The following TBC1D19 variants were observed in gnomAD, a reference collection of about 807,000 sequenced individuals.
The protein encoded by TBC1D19 is TBC1 domain family, member 19.
Under a neutral mutation model 89.0 loss-of-function variants are expected in TBC1D19, and 60 were observed. The ratio of observed to expected loss-of-function variants is 0.67; its 90% CI spans 0.55 to 0.84. The LOEUF (loss-of-function observed/expected upper bound fraction) is 0.84, where lower values mean the gene tolerates loss of function less well. Among genes scored for constraint, TBC1D19 ranks in the 40% least tolerant of loss-of-function variants. TBC1D19 has a pLI of 0.00. For missense variants in TBC1D19, 500 were observed against 610.8 expected (o/e 0.82, Z 1.91); for synonymous variants, 189 against 199.7 (o/e 0.95, Z 0.45).
chr4:26,806,158 T>G, the TBC1D19 span, among the ~76,000 whole-genome samples: 9 of 152,112 alleles, frequency 5.9e-5, no homozygotes, highest in East Asian at 1.6e-3. Flanking sequence ...GGCTTTTGCC[T>G]CTGTCTGGAA....
At chr4:26,580,072 T>C (rs1182571757), upstream of TBC1D19, among the ~76,000 whole-genome samples, 1 of 152,182 alleles carries the variant, frequency 6.6e-6, no homozygotes, top group Non-Finnish European at 1.5e-5. Flanking sequence ...TTTTCCCTTT[T>C]GCATAGAGTC....
intron 1 of TBC1D19, among the ~76,000 whole-genome samples, chr4:26,605,322 T>C (rs1254804149): frequency 3.3e-5 from 5 of 149,890 alleles, no homozygotes; most frequent in East Asian, 2.0e-4. Context: ...TTTGTCCTTG[T>C]GATAGTTTAC....
At position 26,673,903 on chromosome 4, in the gene TBC1D19, AG is replaced by A. The variant is rs1384154626; in HGVS notation, c.816+18del. The stretch of plus-strand genomic sequence containing the variant: ...GCCAACCTGAGGTAAGAAGAAAAAA[AG>A]GGTGGGTCAGATTTTAGCTTTGGGG... On this transcript the variant is annotated intron_variant, in intron 11 of 20. Transcript: ENST00000264866. The A allele has an allele frequency of 8.8e-6, 13 of 1,479,438 alleles. No homozygotes were observed. Among genetic ancestry groups the A allele is most frequent in the East Asian group, 6.9e-5 (3 of 43,402 alleles). The allele number at this position is 1,479,438 out of a possible 1,614,324, so 91.6% of individuals were successfully genotyped here.
chr4:26,805,981 G>A, the TBC1D19 span, among the ~76,000 whole-genome samples: 2 of 151,738 alleles, frequency 1.3e-5, no homozygotes, highest in African/African-American at 2.4e-5. Flanking sequence ...AAAAAAAAAG[G>A]GAAAGAAAAA....
upstream of TBC1D19, among the ~76,000 whole-genome samples, chr4:26,582,879 C>T (rs767339127): frequency 1.1e-4 from 16 of 152,272 alleles, no homozygotes; most frequent in Non-Finnish European, 2.1e-4. Flanking sequence ...GGCCCGGGTC[C>T]AGTCCCTTTG....
intron 15 of TBC1D19, among the ~76,000 whole-genome samples, chr4:26,726,395 A>G (rs868542849): frequency 1.3e-5 from 2 of 152,346 alleles, no homozygotes; most frequent in Middle Eastern, 6.8e-3. Flanking sequence ...TTAATTAAAT[A>G]AATTTAAACT....
intron 19 of TBC1D19, among the ~76,000 whole-genome samples, chr4:26,751,888 A>G (rs1177810713): frequency 6.6e-6 from 1 of 152,252 alleles, no homozygotes; most frequent in Non-Finnish European, 1.5e-5. Context: ...GATAGACAGC[A>G]GAGCCAATGA....
chr4:26,693,085 C>T (rs1458361527), intron 13 of TBC1D19, among the ~76,000 whole-genome samples: 1 of 150,220 alleles, frequency 6.7e-6, no homozygotes, highest in Non-Finnish European at 1.5e-5. Context: ...AAGATTGCAC[C>T]ACTGCACTCC....
chr4:26,734,744 G>A (rs1717858596), intron 15 of TBC1D19, among the ~76,000 whole-genome samples: 1 of 152,120 alleles, frequency 6.6e-6, no homozygotes, highest in Non-Finnish European at 1.5e-5. Flanking sequence ...TAGCATATTC[G>A]ATTCTAATAT....
chr4:26,690,561 C>A (rs1714183336), intron 13 of TBC1D19, among the ~76,000 whole-genome samples: 1 of 152,132 alleles, frequency 6.6e-6, no homozygotes, highest in East Asian at 1.9e-4. Context: ...CGTTCCATTT[C>A]AAAAATCCTT....
At chr4:26,802,773 T>C in the TBC1D19 span, among the ~76,000 whole-genome samples, 1 of 152,254 alleles carries the variant, frequency 6.6e-6, no homozygotes, top group Non-Finnish European at 1.5e-5. Context: ...ATTAGAATGA[T>C]AATGTATTAG....
intron 4 of TBC1D19, among the ~76,000 whole-genome samples, chr4:26,632,491 A>C: frequency 6.6e-6 from 1 of 152,014 alleles, no homozygotes; most frequent in Non-Finnish European, 1.5e-5. Flanking sequence ...AAATATCTTC[A>C]TCTAAATGAT....
the TBC1D19 span, among the ~76,000 whole-genome samples, chr4:26,814,512 C>G: frequency 6.6e-6 from 1 of 152,146 alleles, no homozygotes; most frequent in African/African-American, 2.4e-5. Flanking sequence ...AAGGAAGGTC[C>G]TCTCTTCTTT....
intron 13 of TBC1D19, among the ~76,000 whole-genome samples, chr4:26,696,132 C>T (rs1279405476): frequency 1.3e-5 from 2 of 152,126 alleles, no homozygotes; most frequent in Non-Finnish European, 2.9e-5. Context: ...TGCAGAGGCA[C>T]ACATAGGCTC....
downstream of TBC1D19, among the ~76,000 whole-genome samples, chr4:26,756,749 T>C (rs1214411598): frequency 6.6e-6 from 1 of 152,242 alleles, no homozygotes; most frequent in African/African-American, 2.4e-5. Context: ...GAAGATGATA[T>C]ATGAAGAATG....
the TBC1D19 span, chr4:26,857,995 A>C: frequency 5.3e-5 from 8 of 152,258 alleles, no homozygotes; most frequent in Non-Finnish European, 1.0e-4. Context: ...GCACGCCCAG[A>C]GCCAGTTCTC....
the TBC1D19 span, among the ~76,000 whole-genome samples, chr4:26,817,481 T>G: frequency 6.6e-6 from 1 of 152,120 alleles, no homozygotes; most frequent in African/African-American, 2.4e-5. Flanking sequence ...GCTGTTCAAC[T>G]TTTTTTACAA....
chr4:26,584,101 G>A lies in TBC1D19; in HGVS notation c.-93G>A. 1.6e-6 allele frequency: 2 copies of A among 1,270,352 alleles called. No homozygotes were observed. The highest frequency in any genetic ancestry group is 2.6e-5 in the South Asian group (2 of 77,324). The allele number at this position is 1,270,352 out of a possible 1,614,324, so 78.7% of individuals were successfully genotyped here. ...GGAGTCCCAGTGTAATAAGGTCCCG[G>A]AGAAGTGTCACTGGCCCTGAGTGGG... On this transcript the variant is annotated 5_prime_UTR_variant, in exon 1 of 21. Coordinates refer to ENST00000264866, the MANE Select transcript of TBC1D19 (RefSeq NM_018317.4).
chr4:26,668,986 T>TACACACACACACAC (rs3839171), intron 9 of TBC1D19, among the ~76,000 whole-genome samples: 8 of 147,016 alleles, frequency 5.4e-5, no homozygotes, highest in African/African-American at 2.0e-4. Flanking sequence ...TTTAAATACA[T>TACACACACACACAC]ACACACACAC....
Sources: allele counts gnomAD v4.1 joint callset (sites outside exome capture counted in the v4.1 genomes callset), GRCh38; gene constraint gnomAD v4.1.1; transcripts MANE v1.5; gene names NCBI Gene and HGNC (gene_info 2026-07-23, HGNC 2026-07-21).